The following PDE4D variants were observed in gnomAD, a reference collection of about 807,000 sequenced individuals.
PDE4D encodes phosphodiesterase 4D, also known as 3',5'-cyclic-AMP phosphodiesterase 4D.
PDE4D carries 24 observed loss-of-function variants against 87.4 expected under a neutral mutation model. The observed-to-expected ratio is 0.27, with a 90% CI of 0.20 to 0.39. The LOEUF is 0.39. PDE4D is among the 10% of genes least tolerant of loss of function. The pLI is 1.00. For missense variants in PDE4D, 714 were observed against 1,041.0 expected, an observed-to-expected ratio of 0.69 and a Z score of 4.32; for synonymous variants, 384 against 383.2, an observed-to-expected ratio of 1.00 and a Z score of -0.02.
intron 1 of PDE4D, among the ~76,000 whole-genome samples, chr5:59,278,317 T>G (rs1270719724): frequency 6.6e-6 from 1 of 152,026 alleles, no homozygotes; most frequent in Non-Finnish European, 1.5e-5. Context: ...TGCAAGCATA[T>G]GATGGCATGC....
At chr5:59,909,448 T>G (rs1033936160) in intron 3 of PDE4D, among the ~76,000 whole-genome samples, 1 of 151,828 alleles carries the variant, frequency 6.6e-6, no homozygotes, top group East Asian at 1.9e-4. Flanking sequence ...CAGGCTGGAG[T>G]GCCCTGGCGC....
intron 1 of PDE4D, among the ~76,000 whole-genome samples, chr5:59,224,055 G>T (rs1175303248): frequency 6.6e-6 from 1 of 150,514 alleles, no homozygotes; most frequent in Non-Finnish European, 1.5e-5. Context: ...GGAGGCTAAG[G>T]GGAGTGGATT....
chr5:59,388,906 T>C (rs376515211), intron 1 of PDE4D, among the ~76,000 whole-genome samples: 2 of 152,074 alleles, frequency 1.3e-5, no homozygotes, highest in East Asian at 3.8e-4. Flanking sequence ...ATCAATCTTA[T>C]AAAATTGTGT....
chr5:60,510,238 A>G (rs190863053), intron 1 of PDE4D, among the ~76,000 whole-genome samples: 3 of 152,310 alleles, frequency 2.0e-5, no homozygotes, highest in Admixed American at 1.3e-4. Context: ...TCAGCAGCCC[A>G]TCAGAGAAAG....
chr5:58,986,794 C>A (rs940182265), intron 11 of PDE4D, among the ~76,000 whole-genome samples: 1 of 152,126 alleles, frequency 6.6e-6, no homozygotes, highest in Non-Finnish European at 1.5e-5. Context: ...AGAGCAGGTC[C>A]TCATTACCCT....
At chr5:59,963,688 T>C (rs1759718594) in intron 3 of PDE4D, among the ~76,000 whole-genome samples, 2 of 152,216 alleles carry the variant, frequency 1.3e-5, no homozygotes, top group Admixed American at 1.3e-4. Context: ...GTAAAGTCTA[T>C]TCCATAGTTA....
chr5:59,897,690 T>A (rs6894929), upstream of PDE4D, among the ~76,000 whole-genome samples: 3,460 of 152,100 alleles, frequency 0.023, 134 homozygotes, highest in African/African-American at 0.08. Flanking sequence ...GGAGGAAGAT[T>A]TAAAGGAGAC....
intron 1 of PDE4D, among the ~76,000 whole-genome samples, chr5:59,252,114 A>G (rs1418832711): frequency 2.0e-5 from 3 of 152,036 alleles, no homozygotes; most frequent in Non-Finnish European, 4.4e-5. Context: ...TGTACAACCA[A>G]CCCCTGTGAC....
Position 58,975,638 on chromosome 5 carries a change from T to C in PDE4D, c.2013+19A>G. The C allele has an allele frequency of 6.4e-7, 1 of 1,557,484 alleles. No homozygotes were observed. The highest frequency in any genetic ancestry group is 8.7e-7 in the Non-Finnish European group (1 of 1,149,046). Reference sequence around the variant, plus strand: ...CGGTAGCTCTGTTCTCTCTGAAAGCTATACACTTCATGCATTACCTGTGAT... The same window carrying C: ...CGGTAGCTCTGTTCTCTCTGAAAGCCATACACTTCATGCATTACCTGTGAT... On this transcript the variant is annotated intron_variant, in intron 14 of 14. Transcript: ENST00000340635. The surrounding 1 kb of genome is among the most constrained non-coding windows in gnomAD (Gnocchi z 4.2).
intron 3 of PDE4D, among the ~76,000 whole-genome samples, chr5:59,924,565 A>G (rs201703673): frequency 4.4e-4 from 20 of 45,244 alleles, no homozygotes; most frequent in African/African-American, 7.4e-4. Flanking sequence ...CAAAGTGTGG[A>G]AAAAAAAAAA....
chr5:59,631,901 A>G (rs979416352), intron 1 of PDE4D, among the ~76,000 whole-genome samples: 2 of 152,086 alleles, frequency 1.3e-5, no homozygotes, highest in Admixed American at 6.5e-5. Context: ...ACAGCCATTC[A>G]ATCCCCTGGA....
At chr5:59,575,862 T>C (rs905229271) in intron 1 of PDE4D, among the ~76,000 whole-genome samples, 2 of 152,126 alleles carry the variant, frequency 1.3e-5, no homozygotes, top group African/African-American at 4.8e-5. Context: ...TGACTCAACA[T>C]GGGAGGGCAC....
At chr5:59,257,202 C>T (rs138808244) in intron 1 of PDE4D, among the ~76,000 whole-genome samples, 4 of 152,088 alleles carry the variant, frequency 2.6e-5, no homozygotes, top group South Asian at 2.1e-4. Context: ...AACTTGCATA[C>T]ATGAGGAAAA....
intron 1 of PDE4D, among the ~76,000 whole-genome samples, chr5:59,300,888 A>G (rs914545971): frequency 6.6e-6 from 1 of 152,170 alleles, no homozygotes; most frequent in Admixed American, 6.5e-5. Context: ...TTTGGGTTCA[A>G]TTAATTTGCT....
chr5:59,022,995 GA>G (rs1374348062), intron 6 of PDE4D, among the ~76,000 whole-genome samples: 8 of 152,244 alleles, frequency 5.3e-5, no homozygotes, highest in African/African-American at 1.9e-4. Context: ...CCAACATAGT[GA>G]AACCCTGTCT....
chr5:60,240,596 G>T (rs1192628628), intron 1 of PDE4D, among the ~76,000 whole-genome samples: 1 of 152,062 alleles, frequency 6.6e-6, no homozygotes, highest in Non-Finnish European at 1.5e-5. Context: ...TGCTATGCTG[G>T]CTTCAAGTCT....
At chr5:59,108,669 C>T (rs1004272776) in intron 5 of PDE4D, among the ~76,000 whole-genome samples, 5 of 151,934 alleles carry the variant, frequency 3.3e-5, no homozygotes, top group African/African-American at 4.8e-5. Context: ...CAAGGCGGGC[C>T]GATCACTTGA....
At chr5:59,361,459 T>A (rs2153593083) in intron 1 of PDE4D, among the ~76,000 whole-genome samples, 1 of 152,314 alleles carries the variant, frequency 6.6e-6, no homozygotes, top group Admixed American at 6.5e-5. Context: ...ATAAAAATTC[T>A]TTCTATTTAA....
intron 1 of PDE4D, among the ~76,000 whole-genome samples, chr5:59,299,302 G>T (rs1259991299): frequency 6.6e-6 from 1 of 152,162 alleles, no homozygotes; most frequent in Non-Finnish European, 1.5e-5. Flanking sequence ...TCATCTCACA[G>T]TTGGGATAAC....
Sources: allele counts gnomAD v4.1 joint callset (sites outside exome capture counted in the v4.1 genomes callset), GRCh38; gene constraint gnomAD v4.1.1; non-coding constraint Gnocchi (gnomAD v3.1); transcripts MANE v1.5; gene names NCBI Gene and HGNC (gene_info 2026-07-23, HGNC 2026-07-21).